The following KLHDC4 variants were observed in gnomAD, a reference collection of about 807,000 sequenced individuals.
The protein encoded by KLHDC4 is kelch domain-containing protein 4.
Under a neutral mutation model 62.4 loss-of-function variants are expected in KLHDC4, and 90 were observed. The observed-to-expected ratio is 1.44, with a 90% CI of 1.22 to 1.72. The LOEUF (loss-of-function observed/expected upper bound fraction) is 1.72. Ranked by LOEUF, KLHDC4 falls within the 40% of genes most tolerant of loss-of-function variation. The probability of loss-of-function intolerance (pLI) is 0.00; values close to 1 mark genes in which losing one functional copy is unlikely to be tolerated. For synonymous variants in KLHDC4, 386 were observed against 284.4 expected (o/e 1.36, Z -3.59); for missense variants, 1,025 against 699.7 (o/e 1.47, Z -5.25).
At chr16:87,753,609 G>C (rs1418403465) in intron 4 of KLHDC4, among the ~76,000 whole-genome samples, 3 of 151,178 alleles carry the variant, frequency 2.0e-5, no homozygotes, top group Non-Finnish European at 2.9e-5. Flanking sequence ...AAACCAGCCT[G>C]GCCAACATGG....
intron 2 of KLHDC4, among the ~76,000 whole-genome samples, chr16:87,760,601 C>T (rs1232145001): frequency 2.2e-4 from 28 of 128,072 alleles, no homozygotes; most frequent in African/African-American, 6.0e-4. Context: ...AGTGAGACTC[C>T]GTCCCAAAAA....
chr16:87,748,905 C>T (rs751689220), intron 4 of KLHDC4, 96 bp from the exon 5 acceptor site: 26 of 1,400,380 alleles, frequency 1.9e-5, no homozygotes, highest in African/African-American at 7.6e-5. Context: ...AGTACTATCT[C>T]GGATGCCCTG....
At chr16:87,758,535 G>A (rs1392615203) in intron 2 of KLHDC4, among the ~76,000 whole-genome samples, 1 of 152,158 alleles carries the variant, frequency 6.6e-6, no homozygotes, top group African/African-American at 2.4e-5. Context: ...AAGTCACCAG[G>A]GGGCTGGGGG....
intron 4 of KLHDC4, 139 bp from the exon 5 acceptor site, chr16:87,748,948 C>T: frequency 1.1e-6 from 1 of 920,150 alleles, no homozygotes; most frequent in Non-Finnish European, 1.5e-6. Flanking sequence ...AGCCACTTTC[C>T]TCTCCTGCCT....
intron 5 of KLHDC4, among the ~76,000 whole-genome samples, chr16:87,746,411 G>C (rs2043050394): frequency 6.6e-6 from 1 of 152,084 alleles, no homozygotes; most frequent in African/African-American, 2.4e-5. Context: ...AAGAGAGTGA[G>C]AGAAAGATTA....
rs137987853 is a variant in KLHDC4, at chr16:87,730,610, G to C, written c.541C>G (p.Arg181Gly). The change falls in exon 6 of 12, where the codon CGG becomes GGG. Residue 181 changes from arginine to glycine, a missense_variant. Physicochemically the swap from Arg to Gly is moderately radical, Grantham distance 125 (BLOSUM62 -2). Transcript: ENST00000270583. Reference sequence around the variant, plus strand: ...AATTGTCTCTTCCAGGCCACCATCCGATGTCCACTCCGACCCGAAGGACCG... The same window carrying C: ...AATTGTCTCTTCCAGGCCACCATCCCATGTCCACTCCGACCCGAAGGACCG... ...TGGPSGRSGHRMVAWKRQLIL... is the reference protein window; with the variant it reads ...TGGPSGRSGHGMVAWKRQLIL... 6.2e-7 allele frequency: 1 copy of C among 1,613,318 alleles called. No individual in the cohort carries two copies. Among genetic ancestry groups the C allele is most frequent in the Non-Finnish European group, 8.5e-7 (1 of 1,179,862 alleles).
chr16:87,704,167 A>G (rs2034369968), downstream of KLHDC4, among the ~76,000 whole-genome samples: 1 of 152,036 alleles, frequency 6.6e-6, no homozygotes, highest in Non-Finnish European at 1.5e-5. Context: ...ACCTCACTCC[A>G]ACACCCGAGT....
chr16:87,755,642 C>T, intron 3 of KLHDC4: 1 of 198,698 alleles, frequency 5.0e-6, no homozygotes, highest in East Asian at 1.4e-4. Context: ...TCTTTGCTCA[C>T]TGCAACCTCC....
intron 7 of KLHDC4, among the ~76,000 whole-genome samples, chr16:87,716,181 T>A (rs999699228): frequency 1.1e-4 from 17 of 149,548 alleles, no homozygotes; most frequent in African/African-American, 3.9e-4. Context: ...GATATTGACG[T>A]AGACTTTGGG....
intron 1 of KLHDC4, among the ~76,000 whole-genome samples, chr16:87,762,986 G>T (rs954723563): frequency 2.6e-5 from 4 of 152,118 alleles, no homozygotes; most frequent in Admixed American, 2.6e-4. Flanking sequence ...GAAAACGCCA[G>T]GTTCCCTCAG....
Position 87,726,943 on chromosome 16 carries a change from G to A in KLHDC4, c.600-19C>T. The A allele has an allele frequency of 6.2e-7, 1 of 1,613,004 alleles. No homozygotes were observed. Among genetic ancestry groups the A allele is most frequent in the African/African-American group, 1.3e-5 (1 of 74,930 alleles). ...GTAATCCCTGGTTAGAAGAACAGCA[G>A]CTGTCAGGGTCCGTAACATTGGGAA... is the stretch of plus-strand genomic sequence containing the variant. On this transcript the variant is annotated intron_variant, in intron 6 of 11. Coordinates refer to ENST00000270583, the MANE Select transcript of KLHDC4 (RefSeq NM_017566.4).
chr16:87,723,198 G>T (rs552806349), intron 7 of KLHDC4, among the ~76,000 whole-genome samples: 1 of 150,844 alleles, frequency 6.6e-6, no homozygotes, highest in Non-Finnish European at 1.5e-5. Flanking sequence ...TTAGGCTACT[G>T]ACTTTTTTTT....
At chr16:87,703,730 A>C (rs1315041799), downstream of KLHDC4, among the ~76,000 whole-genome samples, 1 of 152,136 alleles carries the variant, frequency 6.6e-6, no homozygotes, top group African/African-American at 2.4e-5. Flanking sequence ...GGACTCAGGG[A>C]AGCCGGGTCA....
exon 1 of KLHDC4, chr16:87,701,518 T>A (rs2034142060): frequency 5.5e-6 from 2 of 365,782 alleles, no homozygotes; most frequent in Non-Finnish European, 1.1e-5. Context: ...AGCAGCCCCG[T>A]GACGGGCACA....
At chr16:87,748,209 A>G (rs1247290594) in intron 5 of KLHDC4, among the ~76,000 whole-genome samples, 2 of 152,228 alleles carry the variant, frequency 1.3e-5, no homozygotes, top group Admixed American at 6.5e-5. Flanking sequence ...CAAGAGGCTG[A>G]GCAGGGTTCA....
At chr16:87,717,458 C>A (rs1407625685) in intron 7 of KLHDC4, among the ~76,000 whole-genome samples, 1 of 152,178 alleles carries the variant, frequency 6.6e-6, no homozygotes, top group Non-Finnish European at 1.5e-5. Flanking sequence ...TCCACCTGGG[C>A]CTGAGTGTCC....
At chr16:87,746,879 C>T (rs935863189) in intron 5 of KLHDC4, among the ~76,000 whole-genome samples, 1 of 152,172 alleles carries the variant, frequency 6.6e-6, no homozygotes, top group Non-Finnish European at 1.5e-5. Context: ...AGCAAGCATT[C>T]GAGGAATGAG....
Position 87,730,756 on chromosome 16 carries a change from A to G in KLHDC4, c.507-112T>C, listed in dbSNP as rs2040203779. On this transcript the variant is annotated intron_variant, in intron 5 of 11. Transcript: ENST00000270583. ...TTACACTGATTTCTGTTTTGTGAGC[A>G]CTTACTGCTCACAAATTAAATACCA... 4 of 862,492 alleles carry G rather than the reference A, an allele frequency of 4.6e-6. No individual in the cohort carries two copies. The East Asian group carries it at 1.0e-4, about 22-fold the overall frequency. The allele number at this position is 862,492 out of a possible 1,614,324, so 53.4% of individuals were successfully genotyped here. A position where few individuals can be genotyped will look rare whatever the true frequency, so the allele number is the denominator to read the frequency against.
chr16:87,706,296 G>C (rs1435836002), downstream of KLHDC4, among the ~76,000 whole-genome samples: 1 of 127,000 alleles, frequency 7.9e-6, no homozygotes, highest in Admixed American at 8.3e-5. Flanking sequence ...GGGGTGAGCT[G>C]GCACAACCCA....
Sources: allele counts gnomAD v4.1 joint callset (sites outside exome capture counted in the v4.1 genomes callset), GRCh38; gene constraint gnomAD v4.1.1; transcripts MANE v1.5; gene names NCBI Gene and HGNC (gene_info 2026-07-23, HGNC 2026-07-21).